APEH: variants seen among roughly 807,000 people sequenced by gnomAD.
APEH encodes the protein acylamino-acid-releasing enzyme.
APEH carries 75 observed loss-of-function variants against 102.7 expected under a neutral mutation model. That is an observed-to-expected ratio of 0.73 (90% CI 0.61 to 0.89). The LOEUF is 0.89. APEH is among the 40% of genes least tolerant of loss of function. The pLI, the probability that APEH is intolerant of heterozygous loss-of-function variation, is 0.00. For synonymous variants in APEH, 344 were observed against 362.7 expected (o/e 0.95, Z 0.59); for missense variants, 863 against 941.2 (o/e 0.92, Z 1.09).
chr3:49,675,124 G>GGGGGCAGTAGCC, intron 2 of APEH, 59 bp from the exon 3 acceptor site: 1 of 1,607,258 alleles, frequency 6.2e-7, no homozygotes. Context: ...AGGTGGGGCT[G>GGGGGCAGTAGCC]GGGGCAGTAG....
chr3:49,676,226 G>C lies in APEH; in HGVS notation c.606+7G>C. On this transcript the variant is annotated splice_region_variant and intron_variant, in intron 6 of 21. Coordinates refer to ENST00000296456, the MANE Select transcript of APEH (RefSeq NM_001640.4). ...GCCAGACCAAGCCATCAAGGTGCTC[G>C]TGGTCAATCCACGAAGGCCCGGCAG... The C allele has an allele frequency of 6.2e-7, 1 of 1,613,590 alleles. No individual in the cohort carries two copies. Among genetic ancestry groups the C allele is most frequent in the East Asian group, 2.2e-5 (1 of 44,876 alleles).
In APEH at chr3:49,683,038, A is replaced by G. The variant is rs779998987; in HGVS notation, c.1987-2A>G. The stretch of plus-strand genomic sequence containing the variant: ...GCTCCCCACTCTTCCCCAAACACCC[A>G]GGTGAAGACACCACTGTTACTGATG... On this transcript the variant is annotated splice_acceptor_variant, in intron 20 of 21. Coordinates refer to ENST00000296456, the MANE Select transcript of APEH (RefSeq NM_001640.4). LOFTEE classifies it high-confidence loss of function. 6.8e-6 allele frequency: 11 copies of G among 1,613,588 alleles called. No individual in the cohort carries two copies. The Admixed American group carries it at 1.8e-4, about 27-fold the overall frequency.
In APEH at chr3:49,680,629, GGTGA is replaced by G. The variant is rs774682288; in HGVS notation, c.1299+4_1299+7del. ...CCACACCCAGCCTACCTCCAACCCT[GGTGA>G]GTGTCGGTGGGTCCCAGGCTGTGGA... On this transcript the variant is annotated splice_donor_variant and splice_donor_region_variant and intron_variant, in intron 14 of 21. Transcript: ENST00000296456. LOFTEE classifies it high-confidence loss of function. 1.9e-6 allele frequency: 3 copies of G among 1,613,534 alleles called. No individual in the cohort carries two copies. In the East Asian group the frequency reaches 6.7e-5, roughly 36 times the overall value.
chr3:49,673,801 CCTCACGCTCACGCTCACG>C (rs3834791), upstream of APEH, among the ~76,000 whole-genome samples: 5,543 of 145,672 alleles, frequency 0.038, 346 homozygotes, highest in African/African-American at 0.14. Context: ...CAACCCTCAC[CCTCACGCTCACGCTCACG>C]CTCACGCTCA....
Position 49,674,389 on chromosome 3 carries a change from C to A in APEH, c.-13C>A. The A allele has an allele frequency of 1.3e-6, 2 of 1,572,596 alleles. No homozygotes were observed. Among genetic ancestry groups the A allele is most frequent in the Non-Finnish European group, 1.7e-6 (2 of 1,166,010 alleles). On this transcript the variant is annotated 5_prime_UTR_variant, in exon 1 of 22. Coordinates refer to ENST00000296456, the MANE Select transcript of APEH (RefSeq NM_001640.4). ...AGCACGCCCCGCCTCGCCCCGGCGG[C>A]AGAGAGGAGACTATGGAACGTCAGG...
chr3:49,676,639 G>A lies in APEH; in HGVS notation c.775G>A (p.Val259Met), dbSNP rs975335022. ...AFWAPGDAGV[V>M]FVGWWHEPFR... ...TTGGGCCCCTGGAGATGCTGGTGTG[G>A]TGTTTGTGGGCTGGTGGCATGAGCC... Residue 259 changes from valine (V) to methionine (M), a missense_variant, in exon 8 of 22, where the codon GTG becomes ATG. By Grantham distance (21) the Val-to-Met change is conservative. Coordinates refer to ENST00000296456, the MANE Select transcript of APEH (RefSeq NM_001640.4). 6.2e-7 allele frequency: 1 copy of A among 1,614,268 alleles called. No individual in the cohort carries two copies. The highest frequency in any genetic ancestry group is 8.5e-7 in the Non-Finnish European group (1 of 1,180,050).
chr3:49,674,291 T>G, upstream of APEH: 1 of 1,369,166 alleles, frequency 7.3e-7, no homozygotes, highest in Non-Finnish European at 9.7e-7. Flanking sequence ...CCTCACAGAT[T>G]GCCGCAGGGC....
At position 49,675,708 on chromosome 3, in the gene APEH, A is replaced by T; in HGVS notation, c.287A>T (p.Glu96Val). 1 of 1,613,952 alleles carries T rather than the reference A, an allele frequency of 6.2e-7. No individual in the cohort carries two copies. Residue 96 changes from glutamate to valine, a missense_variant, in exon 4 of 22, where the codon GAG becomes GTG. By Grantham distance (121) the Glu-to-Val change is moderately radical (BLOSUM62 -2). Transcript: ENST00000296456. ...CATGTCCACAGACTGCTGAGCAGAG[A>T]GTCTCCTTCAGGCACCATGAAAGCT... is the stretch of plus-strand genomic sequence containing the variant. ...VETRGELLSR[E>V]SPSGTMKAVL...
In APEH at chr3:49,683,748, T is replaced by G; in HGVS notation, c.*406T>G. The G allele has an allele frequency of 2.0e-6, 1 of 508,194 alleles. No homozygotes were observed. The highest frequency in any genetic ancestry group is 2.3e-5 in the South Asian group (1 of 42,876). 31.5% of individuals were successfully genotyped at this position (508,194 alleles called of 1,614,324 possible). ...TACTCTGTACCACCCTTCCCAAGAGTATGTCTGGAGGACTAGTGTGAGGCC... is the reference window on the plus strand; with the variant it reads ...TACTCTGTACCACCCTTCCCAAGAGGATGTCTGGAGGACTAGTGTGAGGCC... On this transcript the variant is annotated 3_prime_UTR_variant, in exon 22 of 22. Transcript: ENST00000296456.
In APEH at chr3:49,676,806, G is replaced by A. The variant is rs1438586205; in HGVS notation, c.866G>A (p.Gly289Glu). 6.2e-7 allele frequency: 1 copy of A among 1,614,142 alleles called. No homozygotes were observed. The highest frequency in any genetic ancestry group is 1.3e-5 in the African/African-American group (1 of 74,948). The change falls in exon 9 of 22, where the codon GGG becomes GAG. Residue 289 changes from glycine (G) to glutamate (E), a missense_variant. Physicochemically the swap from Gly to Glu is moderately conservative, Grantham distance 98 (BLOSUM62 -2). Coordinates refer to ENST00000296456, the MANE Select transcript of APEH (RefSeq NM_001640.4). ...GCCCTGTATTATGTGGACCTCATCG[G>A]GGGGAAGTGTGGTAAGTGGCTGATG... ...RSALYYVDLI[G>E]GKCELLSDDS...
chr3:49,678,814 C>T (rs952288400), intron 11 of APEH, 38 bp from the exon 12 acceptor site: 1 of 1,530,892 alleles, frequency 6.5e-7, no homozygotes. Context: ...TCCCTACCTC[C>T]ACTCCTGGAT....
At position 49,675,272 on chromosome 3, in the gene APEH, G is replaced by C; in HGVS notation, c.235G>C (p.Ala79Pro). Residue 79 changes from alanine (A) to proline (P), a missense_variant, in exon 3 of 22, where the codon GCA becomes CCA. Transcript: ENST00000296456. The part of the protein sequence containing the change: ...VFHDGDSVVF[A>P]GPAGNSVETR... ...CCATGACGGGGACTCAGTGGTGTTT[G>C]CAGGACCTGCAGGCAACAGTGTGGA... The C allele has an allele frequency of 6.2e-7, 1 of 1,614,028 alleles. No homozygotes were observed. The highest frequency in any genetic ancestry group is 1.3e-5 in the African/African-American group (1 of 75,050).
In APEH at chr3:49,679,532, C is replaced by T. The variant is rs151172364; in HGVS notation, c.1159-61C>T. 3.9e-4 allele frequency: 616 copies of T among 1,567,070 alleles called. 5 individuals are homozygous for T. The African/African-American group carries it at 7.7e-3, about 20-fold the overall frequency. ...GGGTAGAGAGGAGGTAGGGGAGGGA[C>T]CCATAGGTAGAGGGAGTACTCTTGG... On this transcript the variant is annotated intron_variant, in intron 12 of 21. Transcript: ENST00000296456. This position sits in a 1 kb window ranked among gnomAD's most constrained non-coding sequence, Gnocchi z 4.3.
rs1177145592 is a variant in APEH, at chr3:49,681,152, T to A, written c.1351T>A (p.Ser451Thr). 1.9e-6 allele frequency: 3 copies of A among 1,610,000 alleles called. No individual in the cohort carries two copies. Among genetic ancestry groups the A allele is most frequent in the African/African-American group, 2.7e-5 (2 of 74,696 alleles). The change falls in exon 15 of 22, where the codon TCC (serine) becomes ACC (threonine). Residue 451 changes from serine to threonine, a missense_variant. Transcript: ENST00000296456. ...GAAGGAGCAGTCAGTGTTGTGGGTG[T>A]CCCTGGAGGAGGCCGAGCCCATTCC... ...AGKEQSVLWVSLEEAEPIPDI... is the reference protein window; with the variant it reads ...AGKEQSVLWVTLEEAEPIPDI...
chr3:49,675,560 G>T, intron 3 of APEH, 134 bp from the exon 4 acceptor site: 2 of 1,019,100 alleles, frequency 2.0e-6, no homozygotes, highest in Middle Eastern at 4.9e-4. Flanking sequence ...GGAAAGGCAA[G>T]GTGGGGCTAG....
chr3:49,678,835 CCCT>C lies in APEH; in HGVS notation c.1061-13_1061-11del. 1 of 1,598,016 alleles carries C rather than the reference CCCT, an allele frequency of 6.3e-7. No individual in the cohort carries two copies. Among genetic ancestry groups the C allele is most frequent in the Non-Finnish European group, 8.6e-7 (1 of 1,165,764 alleles). On this transcript the variant is annotated splice_polypyrimidine_tract_variant and intron_variant, in intron 11 of 21. Transcript: ENST00000296456. ...CCTCCACTCCTGGATGCAGCCTCAG[CCCT>C]CCTATCTTTACAGAGAACTTCTCTG...
At position 49,683,339 on chromosome 3, in the gene APEH, C is replaced by A; in HGVS notation, c.2196C>A (p.Ser732Arg). Residue 732 changes from serine (S) to arginine (R), a missense_variant, in exon 22 of 22, where the codon AGC (serine) becomes AGA (arginine). Coordinates refer to ENST00000296456, the MANE Select transcript of APEH (RefSeq NM_001640.4). ...AVLWLRTHLGS is the reference protein window; with the variant it reads ...AVLWLRTHLGR ...TCTGGCTACGCACACACTTGGGCAG[C>A]TGAAGCCCTGCCATTCTGCATGAGC... 1 of 1,610,314 alleles carries A rather than the reference C, an allele frequency of 6.2e-7. No homozygotes were observed.
rs1369667288 is a variant in APEH at position 49,683,021 on chromosome 3, C to T, written c.1987-19C>T. 6.2e-7 allele frequency: 1 copy of T among 1,612,874 alleles called. No individual in the cohort carries two copies. Among genetic ancestry groups the T allele is most frequent in the Non-Finnish European group, 8.5e-7 (1 of 1,179,206 alleles). ...GGGCCCAGCTCAACACAGCTCCCCA[C>T]TCTTCCCCAAACACCCAGGTGAAGA... On this transcript the variant is annotated intron_variant, in intron 20 of 21. Coordinates refer to ENST00000296456, the MANE Select transcript of APEH (RefSeq NM_001640.4).
At position 49,679,639 on chromosome 3, in the gene APEH, C is replaced by G; in HGVS notation, c.1205C>G (p.Thr402Arg). The change falls in exon 13 of 22, where the codon ACA becomes AGA. Residue 402 changes from threonine to arginine, a missense_variant. Thr to Arg is a moderately conservative substitution (Grantham distance 71). Transcript: ENST00000296456. This position sits in a 1 kb window ranked among gnomAD's most constrained non-coding sequence, Gnocchi z 4.3. Reference protein sequence around the residue: ...DTQVGTVTSLTAGGSGGSWKL... With the variant: ...DTQVGTVTSLRAGGSGGSWKL... ...CAAGTGGGCACTGTGACCTCCCTCA[C>G]AGCTGGTGAGCAAGGCTTTGGGGAT... is the stretch of plus-strand genomic sequence containing the variant. 6.2e-7 allele frequency: 1 copy of G among 1,613,816 alleles called. No individual in the cohort carries two copies. Among genetic ancestry groups the G allele is most frequent in the Non-Finnish European group, 8.5e-7 (1 of 1,179,752 alleles).
Sources: gnomAD v4.1 joint callset for allele counts (sites outside exome capture counted in the v4.1 genomes callset) on GRCh38, gnomAD v4.1.1 for gene constraint, Gnocchi (gnomAD v3.1) non-coding constraint, MANE v1.5 for transcripts, NCBI Gene and HGNC (gene_info 2026-07-23, HGNC 2026-07-21) for gene names.